Variants in SHISA6 observed in about 807,000 individuals in gnomAD.
SHISA6 encodes protein shisa-6.
A neutral mutation model predicts 47.9 loss-of-function variants in SHISA6; 22 were observed. That is an observed-to-expected ratio of 0.46 (90% CI 0.33 to 0.66). SHISA6 has a LOEUF of 0.66. SHISA6 is among the 30% of genes least tolerant of loss of function. The pLI, the probability that SHISA6 is intolerant of heterozygous loss-of-function variation, is 0.02. For missense variants in SHISA6, 680 were observed against 764.6 expected (o/e 0.89, Z 1.30); for synonymous variants, 388 against 337.8 (o/e 1.15, Z -1.63).
At chr17:11,425,584 C>T (rs1024202228) in intron 3 of SHISA6, among the ~76,000 whole-genome samples, 1 of 152,040 alleles carries the variant, frequency 6.6e-6, no homozygotes, top group Non-Finnish European at 1.5e-5. Flanking sequence ...GAATTCAGCC[C>T]AAATTGGCTT....
At chr17:11,436,431 T>C (rs566106197) in intron 3 of SHISA6, among the ~76,000 whole-genome samples, 1 of 152,364 alleles carries the variant, frequency 6.6e-6, no homozygotes, top group East Asian at 1.9e-4. Flanking sequence ...TGGTTTTCTA[T>C]CAGCTGTACA....
chr17:11,318,729 G>A (rs1402764318), intron 2 of SHISA6, among the ~76,000 whole-genome samples: 1 of 152,260 alleles, frequency 6.6e-6, no homozygotes, highest in South Asian at 2.1e-4. Context: ...ATCTACCATC[G>A]TTCTTCACAT....
At chr17:11,472,693 A>G (rs966306077) in intron 3 of SHISA6, among the ~76,000 whole-genome samples, 4 of 152,160 alleles carry the variant, frequency 2.6e-5, no homozygotes, top group Non-Finnish European at 5.9e-5. Flanking sequence ...AATAACAAGG[A>G]GTGCAATTTT....
At chr17:11,270,324 T>C (rs1908592283) in intron 2 of SHISA6, among the ~76,000 whole-genome samples, 1 of 152,226 alleles carries the variant, frequency 6.6e-6, no homozygotes, top group African/African-American at 2.4e-5. Flanking sequence ...GATTGCCAAG[T>C]AGTGGACAGC....
intron 2 of SHISA6, among the ~76,000 whole-genome samples, chr17:11,327,058 C>T (rs1490226749): frequency 1.3e-5 from 2 of 152,134 alleles, no homozygotes; most frequent in Non-Finnish European, 2.9e-5. Flanking sequence ...TGGAATACTC[C>T]TATAAAGTTT....
At chr17:11,434,614 G>A (rs1431099579) in intron 3 of SHISA6, among the ~76,000 whole-genome samples, 1 of 152,136 alleles carries the variant, frequency 6.6e-6, no homozygotes, top group Non-Finnish European at 1.5e-5. Context: ...GTTTTTTCAG[G>A]TGTCCCTTGT....
chr17:11,323,511 G>T (rs762615819), intron 2 of SHISA6, among the ~76,000 whole-genome samples: 1 of 151,816 alleles, frequency 6.6e-6, no homozygotes, highest in African/African-American at 2.4e-5. Flanking sequence ...AAAATTAACC[G>T]GACGTGGTGG....
At chr17:11,471,211 A>G (rs1044593140) in intron 3 of SHISA6, among the ~76,000 whole-genome samples, 6 of 37,634 alleles carry the variant, frequency 1.6e-4, no homozygotes, top group African/African-American at 7.2e-4. Flanking sequence ...TCCATCTCAG[A>G]AAAAAAAAAA....
At chr17:11,395,415 TTTATA>T (rs1482915754) in intron 3 of SHISA6, among the ~76,000 whole-genome samples, 1 of 152,118 alleles carries the variant, frequency 6.6e-6, no homozygotes, top group Non-Finnish European at 1.5e-5. Flanking sequence ...TTGTGTTAAT[TTTATA>T]TTCTGCTACC....
intron 3 of SHISA6, among the ~76,000 whole-genome samples, chr17:11,473,722 G>T (rs914446522): frequency 6.6e-6 from 1 of 152,052 alleles, no homozygotes; most frequent in Non-Finnish European, 1.5e-5. Flanking sequence ...TCTCTCCTCT[G>T]TTTTTCTTCC....
At chr17:11,348,769 T>A (rs1911780497) in intron 2 of SHISA6, among the ~76,000 whole-genome samples, 1 of 152,184 alleles carries the variant, frequency 6.6e-6, no homozygotes, top group Non-Finnish European at 1.5e-5. Context: ...ACACTCGAGA[T>A]CCTAAGTAGT....
intron 3 of SHISA6, among the ~76,000 whole-genome samples, chr17:11,541,981 G>C (rs1484216093): frequency 2.0e-5 from 3 of 152,142 alleles, no homozygotes; most frequent in Non-Finnish European, 4.4e-5. Context: ...CCATTTCAGT[G>C]CTCTGGAAAT....
chr17:11,341,044 C>T (rs539289806), intron 2 of SHISA6, among the ~76,000 whole-genome samples: 2 of 152,290 alleles, frequency 1.3e-5, no homozygotes, highest in African/African-American at 2.4e-5. Flanking sequence ...TAATAATTGA[C>T]GAATGTTGGC....
At chr17:11,547,540 T>C (rs1210476690) in intron 3 of SHISA6, among the ~76,000 whole-genome samples, 2 of 152,230 alleles carry the variant, frequency 1.3e-5, no homozygotes, top group Admixed American at 6.5e-5. Flanking sequence ...CTGTGTATTG[T>C]TGCTCATGGA....
intron 2 of SHISA6, among the ~76,000 whole-genome samples, chr17:11,364,054 A>G (rs1330061783): frequency 6.6e-6 from 1 of 152,178 alleles, no homozygotes; most frequent in Non-Finnish European, 1.5e-5. Context: ...TTCCTGAGCA[A>G]CGCTAAGAAT....
chr17:11,515,775 G>A (rs1055558559), intron 3 of SHISA6, among the ~76,000 whole-genome samples: 2 of 152,162 alleles, frequency 1.3e-5, no homozygotes, highest in African/African-American at 2.4e-5. Context: ...AGGAGCGCAA[G>A]GGTAGATGCA....
rs563479714 is a variant in SHISA6, at chr17:11,348,296, A to G, written c.800-31118A>G. On this transcript the variant is annotated intron_variant, in intron 2 of 5. Transcript: ENST00000441885. ...ATGTAAACAGGGATCAGTGTGTTCT[A>G]TCTTCTTAAGAACATACATGATTCT... 5.3e-5 allele frequency among the ~76,000 whole-genome samples: 8 copies of G among 152,280 alleles called. No homozygotes were observed. The East Asian group carries it at 7.7e-4, about 15-fold the overall frequency.
chr17:11,515,467 G>A (rs2071578474), intron 3 of SHISA6, among the ~76,000 whole-genome samples: 1 of 151,958 alleles, frequency 6.6e-6, no homozygotes, highest in African/African-American at 2.4e-5. Context: ...TTGAGCCTGA[G>A]ACAAGATTCT....
intron 2 of SHISA6, among the ~76,000 whole-genome samples, chr17:11,315,285 G>GT (rs1910467828): frequency 6.6e-6 from 1 of 152,008 alleles, no homozygotes; most frequent in Non-Finnish European, 1.5e-5. Context: ...ATTTTTCTGT[G>GT]TTTTTCTGTA....
Sources: allele counts gnomAD v4.1 joint callset (sites outside exome capture counted in the v4.1 genomes callset), GRCh38; gene constraint gnomAD v4.1.1; transcripts MANE v1.5; gene names NCBI Gene and HGNC (gene_info 2026-07-23, HGNC 2026-07-21).